The following PTPRN2 variants were observed in gnomAD, a reference collection of about 807,000 sequenced individuals.
The protein encoded by PTPRN2 is protein tyrosine phosphatase receptor type N2, also known as receptor-type tyrosine-protein phosphatase N2.
In PTPRN2, 74 loss-of-function variants were observed where a neutral mutation model predicts 118.8. The ratio of observed to expected loss-of-function variants is 0.62; its 90% confidence interval spans 0.52 to 0.76. The LOEUF is 0.76. Among genes scored for constraint, PTPRN2 ranks in the 30% least tolerant of loss-of-function variants. PTPRN2 has a pLI of 0.00. For synonymous variants in PTPRN2, 641 were observed against 608.0 expected (o/e 1.05, Z -0.80); for missense variants, 1,481 against 1,394.4 (o/e 1.06, Z -0.99).
intron 12 of PTPRN2, among the ~76,000 whole-genome samples, chr7:157,710,143 A>C (rs1209888579): frequency 1.3e-5 from 2 of 152,314 alleles, no homozygotes; most frequent in East Asian, 3.9e-4. Flanking sequence ...GGGAACCCAC[A>C]GGGCACTTGG....
At chr7:157,659,440 GA>G (rs1795781081) in intron 13 of PTPRN2, among the ~76,000 whole-genome samples, 1 of 128,944 alleles carries the variant, frequency 7.8e-6, no homozygotes, top group Non-Finnish European at 1.7e-5. Context: ...TAGCCGCAGG[GA>G]CAGGGGTGGG....
intron 13 of PTPRN2, among the ~76,000 whole-genome samples, chr7:157,681,821 G>A (rs1405985466): frequency 2.0e-5 from 3 of 152,170 alleles, no homozygotes; most frequent in East Asian, 1.9e-4. Flanking sequence ...TTTACAAGAC[G>A]TATTGCACAC....
chr7:157,721,214 C>T (rs1049983285), intron 12 of PTPRN2, among the ~76,000 whole-genome samples: 1 of 152,216 alleles, frequency 6.6e-6, no homozygotes, highest in Non-Finnish European at 1.5e-5. Context: ...ACACAACGGG[C>T]ACGGTGTAGG....
At chr7:157,915,238 A>G (rs993442174) in intron 11 of PTPRN2, among the ~76,000 whole-genome samples, 5 of 152,088 alleles carry the variant, frequency 3.3e-5, no homozygotes, top group Non-Finnish European at 7.4e-5. Context: ...GGTATTCTTT[A>G]TGAGTAGAAG....
chr7:158,300,392 G>A (rs1230942272), intron 3 of PTPRN2, among the ~76,000 whole-genome samples: 1 of 152,188 alleles, frequency 6.6e-6, no homozygotes, highest in Non-Finnish European at 1.5e-5. Context: ...GTAGTCGCCA[G>A]GGGCCTGTGT....
At chr7:157,638,445 G>A (rs1002431065) in intron 14 of PTPRN2, among the ~76,000 whole-genome samples, 2 of 152,316 alleles carry the variant, frequency 1.3e-5, no homozygotes, top group African/African-American at 4.8e-5. Context: ...CTAAAATGTT[G>A]GTGAAGGGAA....
chr7:158,023,427 T>A (rs1410745648), intron 11 of PTPRN2, among the ~76,000 whole-genome samples: 3 of 152,112 alleles, frequency 2.0e-5, no homozygotes, highest in Admixed American at 2.0e-4. Context: ...GCTGTGTGTA[T>A]TTTTCTTTGC....
intron 15 of PTPRN2, chr7:157,616,461 T>C (rs1802781079): frequency 6.6e-6 from 1 of 152,224 alleles, no homozygotes; most frequent in Non-Finnish European, 1.5e-5. Flanking sequence ...CCTCAGTCTC[T>C]GGCAGAACAG....
intron 3 of PTPRN2, among the ~76,000 whole-genome samples, chr7:158,294,263 C>G (rs1017940190): frequency 2.0e-5 from 3 of 152,204 alleles, no homozygotes; most frequent in African/African-American, 7.2e-5. Context: ...TTTACAGTTT[C>G]TCAACATCAC....
At chr7:157,937,585 C>T (rs886960058) in intron 11 of PTPRN2, among the ~76,000 whole-genome samples, 2 of 152,218 alleles carry the variant, frequency 1.3e-5, no homozygotes, top group Non-Finnish European at 2.9e-5. Flanking sequence ...TCCACCTTTC[C>T]CACCCAGGAG....
chr7:158,065,468 G>A (rs1338886349), intron 11 of PTPRN2, among the ~76,000 whole-genome samples: 6 of 152,216 alleles, frequency 3.9e-5, no homozygotes, highest in Non-Finnish European at 7.3e-5. Context: ...GTGTTCACAT[G>A]GTCATCTGAC....
At chr7:157,931,537 A>G (rs894494166) in intron 11 of PTPRN2, among the ~76,000 whole-genome samples, 1 of 152,216 alleles carries the variant, frequency 6.6e-6, no homozygotes, top group African/African-American at 2.4e-5. Context: ...CCCTGTTCTC[A>G]GGAGGCACAT....
At chr7:158,011,405 AAAGATGC>A (rs1806038193) in intron 11 of PTPRN2, among the ~76,000 whole-genome samples, 1 of 152,352 alleles carries the variant, frequency 6.6e-6, no homozygotes, top group Non-Finnish European at 1.5e-5. Context: ...AAGATGCACA[AAAGATGC>A]ACAGGTGTTT....
chr7:157,800,435 C>T (rs1363676912), intron 12 of PTPRN2, among the ~76,000 whole-genome samples: 1 of 152,206 alleles, frequency 6.6e-6, no homozygotes, highest in Non-Finnish European at 1.5e-5. Context: ...GCTCCTACAA[C>T]AGTGTCTGGC....
intron 9 of PTPRN2, among the ~76,000 whole-genome samples, chr7:158,113,788 G>T (rs1462976154): frequency 1.3e-5 from 2 of 152,178 alleles, no homozygotes; most frequent in Non-Finnish European, 2.9e-5. Flanking sequence ...ACAAGCTGTT[G>T]TTGTGGCCAC....
At chr7:158,008,146 AGTGT>A (rs143545915) in intron 11 of PTPRN2, among the ~76,000 whole-genome samples, 1 of 146,188 alleles carries the variant, frequency 6.8e-6, no homozygotes, top group Non-Finnish European at 1.5e-5. Flanking sequence ...CACATGTGTG[AGTGT>A]GTGTGGGTGT....
chr7:158,142,627 C>T (rs1819496260), intron 6 of PTPRN2, among the ~76,000 whole-genome samples: 3 of 152,312 alleles, frequency 2.0e-5, no homozygotes, highest in East Asian at 1.9e-4. Flanking sequence ...CGCCACACCC[C>T]CAGGGCCCAC....
At chr7:158,028,550 A>T (rs1807448261) in intron 11 of PTPRN2, 1 of 152,444 alleles carries the variant, frequency 6.6e-6, no homozygotes, top group Non-Finnish European at 1.5e-5. Flanking sequence ...GCAAGCCAGG[A>T]GCAAGGAGGA....
intron 2 of PTPRN2, among the ~76,000 whole-genome samples, chr7:158,322,877 T>C (rs1803153762): frequency 6.6e-6 from 1 of 152,202 alleles, no homozygotes; most frequent in Non-Finnish European, 1.5e-5. Flanking sequence ...CAGGAGCCCA[T>C]GGCGGGTAAA....
Sources: gnomAD v4.1 joint callset for allele counts (sites outside exome capture counted in the v4.1 genomes callset) on GRCh38, gnomAD v4.1.1 for gene constraint, MANE v1.5 for transcripts, NCBI Gene and HGNC (gene_info 2026-07-23, HGNC 2026-07-21) for gene names.